TBCD: variants seen among roughly 807,000 people sequenced by gnomAD.
TBCD encodes tubulin folding cofactor D.
In TBCD, 105 loss-of-function variants were observed where a neutral mutation model predicts 169.3. That is an observed-to-expected ratio of 0.62 (90% CI 0.53 to 0.73). TBCD has a LOEUF of 0.73. Among genes scored for constraint, TBCD ranks in the 30% least tolerant of loss-of-function variants. The pLI is 0.00. For missense variants in TBCD, 1,444 were observed against 1,600.1 expected, an observed-to-expected ratio of 0.90 and a Z score of 1.66; for synonymous variants, 700 against 643.9, an observed-to-expected ratio of 1.09 and a Z score of -1.32.
chr17:82,834,564 C>T (rs928140762), intron 13 of TBCD, among the ~76,000 whole-genome samples: 1 of 152,100 alleles, frequency 6.6e-6, no homozygotes, highest in Non-Finnish European at 1.5e-5. Flanking sequence ...ATGTCCTTCG[C>T]AGGGAGAAAT....
intron 2 of TBCD, among the ~76,000 whole-genome samples, chr17:82,758,384 G>GGAAAAAAAAAAAAA (rs1555672563): frequency 4.0e-5 from 1 of 25,016 alleles, no homozygotes; most frequent in Non-Finnish European, 8.6e-5. Context: ...AAACGTCTCG[G>GGAAAAAAAAAAAAA]AAAAAAAAAA....
At chr17:82,829,864 A>G (rs1394654525) in intron 13 of TBCD, 1 of 474,394 alleles carries the variant, frequency 2.1e-6, no homozygotes, top group Admixed American at 3.7e-5. Context: ...TTTATAAAAG[A>G]TCTTCTGTAA....
chr17:82,828,148 C>A (rs1334058375), intron 13 of TBCD, among the ~76,000 whole-genome samples: 1 of 136,766 alleles, frequency 7.3e-6, no homozygotes, highest in East Asian at 2.8e-4. Flanking sequence ...TGTGCATACA[C>A]CCACAGACAC....
chr17:82,766,394 T>TCTCCAGCC, intron 4 of TBCD, 26 bp downstream of exon 4: 1 of 1,566,858 alleles, frequency 6.4e-7, no homozygotes, highest in Non-Finnish European at 8.7e-7. Flanking sequence ...TCCCCCCTCG[T>TCTCCAGCC]CTCCAGCCCT....
intron 7 of TBCD, chr17:82,795,576 T>G (rs527713801): frequency 5.1e-6 from 5 of 985,612 alleles, no homozygotes; most frequent in Non-Finnish European, 2.4e-6. Flanking sequence ...TGGCTGCAGG[T>G]GATACGGTGG....
rs1307457864 is a variant in TBCD at position 82,923,337 on chromosome 17, G to A, written c.2179-315G>A. On this transcript the variant is annotated intron_variant, in intron 25 of 38. Coordinates refer to ENST00000355528, the MANE Select transcript of TBCD (RefSeq NM_005993.5). This position sits in a 1 kb window ranked among gnomAD's most constrained non-coding sequence, Gnocchi z 4.6. Reference sequence around the variant, plus strand: ...TGGTGAGCAGGCGTGCTGGAAAGGAGTAGCATGACTTAGGGGTTCTTTTGG... The same window carrying A: ...TGGTGAGCAGGCGTGCTGGAAAGGAATAGCATGACTTAGGGGTTCTTTTGG... Among the ~76,000 whole-genome samples, 1 of 152,224 alleles carries A rather than the reference G, an allele frequency of 6.6e-6. No individual in the cohort carries two copies. The highest frequency in any genetic ancestry group is 1.5e-5 in the Non-Finnish European group (1 of 68,038).
At chr17:82,764,122 G>A in intron 3 of TBCD, 60 bp downstream of exon 3, 4 of 1,296,228 alleles carry the variant, frequency 3.1e-6, no homozygotes, top group Non-Finnish European at 4.4e-6. Flanking sequence ...TTGGTCCAGA[G>A]GTTACCCTCC....
intron 13 of TBCD, among the ~76,000 whole-genome samples, chr17:82,824,242 T>C (rs953004304): frequency 1.3e-5 from 2 of 150,904 alleles, no homozygotes; most frequent in African/African-American, 4.9e-5. Context: ...AGTGCAGTGG[T>C]GCGATCTCGG....
chr17:82,782,829 C>T lies in TBCD; in HGVS notation c.771+1108C>T, dbSNP rs943626334. Reference sequence around the variant, plus strand: ...GTCTGCGGTGGCGTCGTCCTGTCTGCGGTGGCGTCCTCCTGTCCGCAGAGG... The same window carrying T: ...GTCTGCGGTGGCGTCGTCCTGTCTGTGGTGGCGTCCTCCTGTCCGCAGAGG... On this transcript the variant is annotated intron_variant, in intron 7 of 38. Coordinates refer to ENST00000355528, the MANE Select transcript of TBCD (RefSeq NM_005993.5). This position sits in a 1 kb window ranked among gnomAD's most constrained non-coding sequence, Gnocchi z 5.1. Among the ~76,000 whole-genome samples, 6 of 149,728 alleles carry T rather than the reference C, an allele frequency of 4.0e-5. No individual in the cohort carries two copies. In the East Asian group the frequency reaches 9.8e-4, roughly 25 times the overall value.
chr17:82,815,541 G>A (rs1444635916), intron 13 of TBCD, among the ~76,000 whole-genome samples: 1 of 152,260 alleles, frequency 6.6e-6, no homozygotes, highest in Non-Finnish European at 1.5e-5. Context: ...CAGATGCAGG[G>A]GCACTGCCCC....
intron 14 of TBCD, among the ~76,000 whole-genome samples, chr17:82,879,098 T>G (rs1481443106): frequency 1.3e-5 from 2 of 151,108 alleles, no homozygotes; most frequent in Admixed American, 6.6e-5. Context: ...CTGAGCCTTT[T>G]TTCTTTCCTT....
rs372303442 is a variant in TBCD at position 82,809,685 on chromosome 17, G to A, written c.1149-23G>A. 72 of 1,610,436 alleles carry A rather than the reference G, an allele frequency of 4.5e-5. 2 individuals carry two copies. In the South Asian group the frequency reaches 6.9e-4, roughly 15 times the overall value. ...GCGACAGGCTGGTGGTGCCCCTGAC[G>A]GATTGCTGCGTTTCTCTTTCAGCAT... On this transcript the variant is annotated intron_variant, in intron 11 of 38. Transcript: ENST00000355528.
At chr17:82,840,904 AGGCTGCAGGGCTGT>A (rs1366933960) in intron 13 of TBCD, among the ~76,000 whole-genome samples, 4 of 137,358 alleles carry the variant, frequency 2.9e-5, no homozygotes, top group East Asian at 4.8e-4. Flanking sequence ...TGCAGGGCAG[AGGCTGCAGGGCTGT>A]GGCATAGGGA....
intron 28 of TBCD, 196 bp from the exon 29 acceptor site, chr17:82,926,990 G>T: frequency 1.4e-6 from 1 of 737,328 alleles, no homozygotes. Flanking sequence ...CCGGAGAGAC[G>T]GCAGAGCGTG....
At chr17:82,860,329 C>G in intron 13 of TBCD, 1 of 975,782 alleles carries the variant, frequency 1.0e-6, no homozygotes, top group Non-Finnish European at 1.2e-6. Context: ...GTCCCCTCCC[C>G]TCTGGTGGCC....
intron 13 of TBCD, among the ~76,000 whole-genome samples, chr17:82,868,354 G>A (rs564507276): frequency 6.6e-6 from 1 of 152,170 alleles, no homozygotes; most frequent in Admixed American, 6.5e-5. Flanking sequence ...AGGCTGGGGA[G>A]ACCTTGGTGT....
At position 82,899,475 on chromosome 17, in the gene TBCD, C is replaced by T. The variant is rs950167286; in HGVS notation, c.1650-1176C>T. Among the ~76,000 whole-genome samples, 24 of 152,234 alleles carry T rather than the reference C, an allele frequency of 1.6e-4. No individual in the cohort carries two copies. The Middle Eastern group carries it at 0.01, about 65-fold the overall frequency. On this transcript the variant is annotated intron_variant, in intron 17 of 38. Transcript: ENST00000355528. ...GTCCTCAGCGTGTGTGTCCGCAGCG[C>T]GTGTGTCTGCACCTCCTTTTGGTTG...
rs1326538356 is a variant in TBCD, at chr17:82,832,645, A to C, written c.1318+17711A>C. The stretch of plus-strand genomic sequence containing the variant: ...CATCTGGCGGCTGGGAGCTGTAATA[A>C]AGAGCAGTCTTGGTGTCAGGACAGC... On this transcript the variant is annotated intron_variant, in intron 13 of 38. Coordinates refer to ENST00000355528, the MANE Select transcript of TBCD (RefSeq NM_005993.5). The surrounding 1 kb of genome is among the most constrained non-coding windows in gnomAD (Gnocchi z 4.9). The C allele has an allele frequency of 3.1e-6, 2 of 635,738 alleles. No individual in the cohort carries two copies. Among genetic ancestry groups the C allele is most frequent in the Non-Finnish European group, 5.5e-6 (2 of 360,786 alleles). The allele number at this position is 635,738 out of a possible 1,614,324, so 39.4% of individuals were successfully genotyped here.
chr17:82,830,057 G>A, intron 13 of TBCD: 1 of 1,576,400 alleles, frequency 6.3e-7, no homozygotes, highest in Non-Finnish European at 8.7e-7. Context: ...AAATGTGAAA[G>A]TGCCAGTTCA....
Sources: allele counts gnomAD v4.1 joint callset (sites outside exome capture counted in the v4.1 genomes callset), GRCh38; gene constraint gnomAD v4.1.1; non-coding constraint Gnocchi (gnomAD v3.1); transcripts MANE v1.5; gene names NCBI Gene and HGNC (gene_info 2026-07-23, HGNC 2026-07-21).